Variants in GHR observed in about 807,000 individuals in gnomAD.
GHR encodes the protein growth hormone receptor.
In GHR, 35 loss-of-function variants were observed where a neutral mutation model predicts 67.1. That is an observed-to-expected ratio of 0.52 (90% CI 0.40 to 0.69). The LOEUF is 0.69. Among genes scored for constraint, GHR ranks in the 30% least tolerant of loss-of-function variants. The pLI is 0.00. For missense variants in GHR, 792 were observed against 764.6 expected, an observed-to-expected ratio of 1.04 and a Z score of -0.42; for synonymous variants, 272 against 269.1, an observed-to-expected ratio of 1.01 and a Z score of -0.10.
At chr5:42,657,363 C>T (rs1755309037) in intron 3 of GHR, among the ~76,000 whole-genome samples, 1 of 152,112 alleles carries the variant, frequency 6.6e-6, no homozygotes, top group South Asian at 2.1e-4. Flanking sequence ...ATTTTCTCTG[C>T]CAAAGTAGTG....
chr5:42,454,409 G>C (rs772324437), intron 1 of GHR, among the ~76,000 whole-genome samples: 8 of 152,210 alleles, frequency 5.3e-5, no homozygotes, highest in Non-Finnish European at 1.0e-4. Flanking sequence ...GGCCTGAGTT[G>C]GTTGGCCTCC....
intron 2 of GHR, among the ~76,000 whole-genome samples, chr5:42,607,819 T>C (rs915128133): frequency 6.6e-6 from 1 of 152,186 alleles, no homozygotes; most frequent in Non-Finnish European, 1.5e-5. Flanking sequence ...AAGTTTGATG[T>C]TGGTTAGAAC....
intron 3 of GHR, among the ~76,000 whole-genome samples, chr5:42,666,509 A>AT (rs1755986188): frequency 1.3e-5 from 2 of 152,192 alleles, no homozygotes; most frequent in Non-Finnish European, 2.9e-5. Context: ...TTAATGTTGC[A>AT]TTTAGGAAAA....
intron 3 of GHR, among the ~76,000 whole-genome samples, chr5:42,643,294 C>T (rs74891129): frequency 0.012 from 1,753 of 152,264 alleles, 41 homozygotes; most frequent in African/African-American, 0.041. Context: ...CTCAGAGGCT[C>T]TCATCTGTTT....
chr5:42,657,760 T>TA (rs1176217825), intron 3 of GHR, among the ~76,000 whole-genome samples: 3 of 152,202 alleles, frequency 2.0e-5, no homozygotes, highest in African/African-American at 7.2e-5. Flanking sequence ...TGAAGTTTTA[T>TA]ATAGCTACTC....
At chr5:42,500,462 T>C (rs576207115) in intron 1 of GHR, among the ~76,000 whole-genome samples, 2 of 152,378 alleles carry the variant, frequency 1.3e-5, no homozygotes, top group South Asian at 4.1e-4. Context: ...TGTACTTACT[T>C]AACAGGGTTG....
chr5:42,425,797 G>A (rs1425197803), intron 1 of GHR, among the ~76,000 whole-genome samples: 3 of 152,196 alleles, frequency 2.0e-5, no homozygotes, highest in Non-Finnish European at 4.4e-5. Context: ...TCTAAGGAAA[G>A]TTGGTGTGTC....
At position 42,711,272 on chromosome 5, in the gene GHR, G is replaced by A. The variant is rs758047525; in HGVS notation, c.684G>A (p.Val228=). 5.0e-6 allele frequency: 8 copies of A among 1,612,330 alleles called. No homozygotes were observed. In the Admixed American group the frequency reaches 1.3e-4, roughly 27 times the overall value. ...TGAAAGTGGATAAGGAATATGAAGT[G>A]CGTGTGAGATCCAAACAACGAAACT... ...YSLKVDKEYE[V]RVRSKQRNSG... Residue 228 remains valine (V), a synonymous_variant, in exon 7 of 10, where the codon GTG becomes GTA. Transcript: ENST00000230882.
intron 1 of GHR, among the ~76,000 whole-genome samples, chr5:42,492,674 A>G (rs1218045084): frequency 6.6e-6 from 1 of 152,232 alleles, no homozygotes; most frequent in Non-Finnish European, 1.5e-5. Flanking sequence ...TTTTATTTTT[A>G]CTACTGATTT....
intron 3 of GHR, among the ~76,000 whole-genome samples, chr5:42,650,587 ATATATATATATATATG>A (rs1002801729): frequency 1.1e-4 from 16 of 146,456 alleles, no homozygotes; most frequent in African/African-American, 4.0e-4. Context: ...ACATATATAT[ATATATATATATATATG>A]TATGTCTATG....
Position 42,592,919 on chromosome 5 carries a change from T to C in GHR, c.70+26975T>C, listed in dbSNP as rs116432880. On this transcript the variant is annotated intron_variant, in intron 2 of 9. Coordinates refer to ENST00000230882, the MANE Select transcript of GHR (RefSeq NM_000163.5). The stretch of plus-strand genomic sequence containing the variant: ...CCAGCATCTGTTATTTTTTTGAGTT[T>C]TTAATAATAGCCATTCTGACTGGTG... Among the ~76,000 whole-genome samples the C allele has an allele frequency of 6.4e-3, 979 of 152,358 alleles. 4 individuals carry two copies. Among genetic ancestry groups the C allele is most frequent in the Non-Finnish European group, 0.011 (748 of 68,028 alleles).
At chr5:42,502,044 G>A (rs1201025647) in intron 1 of GHR, among the ~76,000 whole-genome samples, 2 of 152,096 alleles carry the variant, frequency 1.3e-5, no homozygotes, top group Admixed American at 1.3e-4. Flanking sequence ...TCAGAGTTTT[G>A]CTTGCCCATT....
At chr5:42,544,684 A>T (rs528010388) in intron 1 of GHR, among the ~76,000 whole-genome samples, 218 of 152,292 alleles carry the variant, frequency 1.4e-3, no homozygotes, top group African/African-American at 4.8e-3. Flanking sequence ...AATATTAGGT[A>T]TACAAAGTAA....
rs112458350 is a variant in GHR at position 42,683,505 on chromosome 5, T to C, written c.137-5385T>C. Among the ~76,000 whole-genome samples, 814 of 152,338 alleles carry C rather than the reference T, an allele frequency of 5.3e-3. 8 individuals are homozygous for C. Among genetic ancestry groups the C allele is most frequent in the South Asian group, 0.023 (110 of 4,830 alleles). On this transcript the variant is annotated intron_variant, in intron 3 of 9. Coordinates refer to ENST00000230882, the MANE Select transcript of GHR (RefSeq NM_000163.5). ...CTGCCATCCACTCCATGCTGCCATA[T>C]TCTTCTGATTAGAAGCAAGTTACTC...
Position 42,517,676 on chromosome 5 carries a change from T to C in GHR, c.-11-48188T>C, listed in dbSNP as rs147906702. 1.1e-4 allele frequency among the ~76,000 whole-genome samples: 16 copies of C among 152,260 alleles called. No individual in the cohort carries two copies. The East Asian group carries it at 2.9e-3, about 28-fold the overall frequency. ...CATGTGTTTTGACATCTGCAGTAAG[T>C]TTAAAATAAATTTCTAAATCTTATT... is the stretch of plus-strand genomic sequence containing the variant. On this transcript the variant is annotated intron_variant, in intron 1 of 9. Transcript: ENST00000230882.
At chr5:42,588,353 A>G (rs1466992003) in intron 2 of GHR, among the ~76,000 whole-genome samples, 1 of 151,882 alleles carries the variant, frequency 6.6e-6, no homozygotes, top group African/African-American at 2.4e-5. Context: ...CCCCGTCTCT[A>G]CTAAAAATAC....
chr5:42,643,860 T>A (rs184705569), intron 3 of GHR, among the ~76,000 whole-genome samples: 3,600 of 151,896 alleles, frequency 0.024, 130 homozygotes, highest in African/African-American at 0.079. Flanking sequence ...GGTATTTTTT[T>A]AAAAAAAACT....
chr5:42,544,700 C>A (rs1343143562), intron 1 of GHR, among the ~76,000 whole-genome samples: 1 of 152,108 alleles, frequency 6.6e-6, no homozygotes, highest in Non-Finnish European at 1.5e-5. Context: ...AGTAACCCAA[C>A]AGACACACCC....
chr5:42,641,958 T>C (rs1345415386), intron 3 of GHR, among the ~76,000 whole-genome samples: 1 of 152,026 alleles, frequency 6.6e-6, no homozygotes, highest in Non-Finnish European at 1.5e-5. Context: ...CTGGCTCCTC[T>C]TGGAAAAACC....
Sources: gnomAD v4.1 joint callset for allele counts (sites outside exome capture counted in the v4.1 genomes callset) on GRCh38, gnomAD v4.1.1 for gene constraint, MANE v1.5 for transcripts, NCBI Gene and HGNC (gene_info 2026-07-23, HGNC 2026-07-21) for gene names.